The following NOL4 variants were observed in gnomAD, a reference collection of about 807,000 sequenced individuals.
NOL4 encodes the protein nucleolar protein 4, also known as cancer/testis antigen 125.
A neutral mutation model predicts 75.9 loss-of-function variants in NOL4; 17 were observed. The ratio of observed to expected loss-of-function variants is 0.22; its 90% confidence interval spans 0.15 to 0.34. The LOEUF is 0.34. Among genes scored for constraint, NOL4 ranks in the 10% least tolerant of loss-of-function variants. The pLI is 1.00. For missense variants in NOL4, 614 were observed against 793.5 expected (o/e 0.77, Z 2.72); for synonymous variants, 292 against 289.9 (o/e 1.01, Z -0.07).
rs118174984 is a variant in NOL4, at chr18:33,916,101, T to A, written c.1542+26964A>T. On this transcript the variant is annotated intron_variant, in intron 9 of 10. Coordinates refer to ENST00000261592, the MANE Select transcript of NOL4 (RefSeq NM_003787.5). ...GGTTAAGGATGCAGTAGAGCAAGTTTAACTATTTTCAGGGAGAGTGTAAGA... is the reference window on the plus strand; with the variant it reads ...GGTTAAGGATGCAGTAGAGCAAGTTAAACTATTTTCAGGGAGAGTGTAAGA... Among the ~76,000 whole-genome samples, 1,435 of 152,240 alleles carry A rather than the reference T, an allele frequency of 9.4e-3. 9 individuals carry two copies. The highest frequency in any genetic ancestry group is 0.017 in the Middle Eastern group (5 of 294).
intron 2 of NOL4, among the ~76,000 whole-genome samples, chr18:34,120,938 A>G (rs1399155291): frequency 6.6e-6 from 1 of 152,196 alleles, no homozygotes; most frequent in East Asian, 1.9e-4. Context: ...TTTATGTTAA[A>G]TTATAATTAA....
intron 6 of NOL4, among the ~76,000 whole-genome samples, chr18:34,017,103 T>C (rs1217442091): frequency 1.3e-5 from 2 of 152,142 alleles, no homozygotes; most frequent in Admixed American, 6.6e-5. Flanking sequence ...GGTAATCTTA[T>C]ATTTCCTTCA....
intron 5 of NOL4, among the ~76,000 whole-genome samples, chr18:34,070,841 T>C (rs958227459): frequency 6.6e-6 from 1 of 152,150 alleles, no homozygotes; most frequent in African/African-American, 2.4e-5. Context: ...TAAAAGGCTA[T>C]TATAAGCAAA....
At chr18:34,193,174 G>A (rs2035045989) in intron 1 of NOL4, among the ~76,000 whole-genome samples, 1 of 151,870 alleles carries the variant, frequency 6.6e-6, no homozygotes, top group South Asian at 2.1e-4. Flanking sequence ...AAAAACATAA[G>A]GAAAAAATTT....
intron 1 of NOL4, among the ~76,000 whole-genome samples, chr18:34,166,617 A>G (rs1218189903): frequency 6.6e-6 from 1 of 152,120 alleles, no homozygotes; most frequent in Admixed American, 6.6e-5. Flanking sequence ...ATTTATAACA[A>G]TCATGCTGTA....
intron 9 of NOL4, among the ~76,000 whole-genome samples, chr18:33,908,019 G>A (rs1362183363): frequency 6.6e-6 from 1 of 152,054 alleles, no homozygotes; most frequent in Admixed American, 6.6e-5. Context: ...CTTTCCCAGA[G>A]TATAAGACAG....
At chr18:34,171,031 A>C (rs1259056523) in intron 1 of NOL4, among the ~76,000 whole-genome samples, 2 of 152,228 alleles carry the variant, frequency 1.3e-5, no homozygotes, top group East Asian at 3.8e-4. Context: ...TGAGGGAATA[A>C]ATATTTGAGG....
chr18:34,013,228 C>T (rs2074480316), intron 6 of NOL4, among the ~76,000 whole-genome samples: 1 of 151,818 alleles, frequency 6.6e-6, no homozygotes, highest in African/African-American at 2.4e-5. Context: ...TTATACTCTC[C>T]ACCACCTATC....
intron 6 of NOL4, among the ~76,000 whole-genome samples, chr18:34,001,302 T>C (rs2073685482): frequency 6.6e-6 from 1 of 152,188 alleles, no homozygotes; most frequent in South Asian, 2.1e-4. Context: ...TAATGCGAAC[T>C]ACATTTCCTA....
At chr18:34,128,527 T>C (rs980124366) in intron 2 of NOL4, among the ~76,000 whole-genome samples, 16 of 151,920 alleles carry the variant, frequency 1.1e-4, no homozygotes, top group Non-Finnish European at 1.8e-4. Context: ...TGTTCAGTAA[T>C]GTTAGTCTAT....
intron 10 of NOL4, among the ~76,000 whole-genome samples, chr18:33,855,735 A>G (rs995032156): frequency 6.6e-6 from 1 of 152,046 alleles, no homozygotes. Flanking sequence ...CGAATTATTG[A>G]TTCATTTTTT....
chr18:34,192,389 G>T (rs893987763), intron 1 of NOL4, among the ~76,000 whole-genome samples: 1 of 151,958 alleles, frequency 6.6e-6, no homozygotes, highest in Non-Finnish European at 1.5e-5. Flanking sequence ...TACCACAAAA[G>T]ATGCAAAATA....
chr18:33,858,197 C>A (rs2062923628), intron 10 of NOL4, among the ~76,000 whole-genome samples: 2 of 152,052 alleles, frequency 1.3e-5, no homozygotes, highest in Non-Finnish European at 1.5e-5. Context: ...TTTTTCTGGA[C>A]ACAATTATTT....
intron 8 of NOL4, among the ~76,000 whole-genome samples, chr18:33,944,091 T>G (rs542147616): frequency 6.6e-6 from 1 of 151,954 alleles, no homozygotes; most frequent in Admixed American, 6.6e-5. Flanking sequence ...TTAAACCAAA[T>G]GAGGTAGTAA....
chr18:33,946,720 T>C lies in NOL4; in HGVS notation c.1429-3542A>G, dbSNP rs559733661. ...GTTAAATGGTTGAAGTCCTTTAATA[T>C]ATTTTCCTATAAATTCTATAAATTA... is the stretch of plus-strand genomic sequence containing the variant. On this transcript the variant is annotated intron_variant, in intron 8 of 10. Coordinates refer to ENST00000261592, the MANE Select transcript of NOL4 (RefSeq NM_003787.5). Among the ~76,000 whole-genome samples, 78 of 151,906 alleles carry C rather than the reference T, an allele frequency of 5.1e-4. 3 individuals are homozygous for C. The East Asian group carries it at 0.014, about 27-fold the overall frequency.
At chr18:34,136,081 C>A (rs573026015) in intron 1 of NOL4, among the ~76,000 whole-genome samples, 1 of 151,960 alleles carries the variant, frequency 6.6e-6, no homozygotes, top group African/African-American at 2.4e-5. Flanking sequence ...ATAAAGGACA[C>A]AAGCATATTA....
intron 6 of NOL4, among the ~76,000 whole-genome samples, chr18:33,982,742 ATTTTTT>A (rs953221382): frequency 7.6e-5 from 8 of 104,912 alleles, no homozygotes; most frequent in Admixed American, 1.1e-4. Flanking sequence ...AGACAATGGG[ATTTTTT>A]TTTTTTTTTT....
intron 1 of NOL4, among the ~76,000 whole-genome samples, chr18:34,208,364 G>T (rs2036268306): frequency 6.6e-6 from 1 of 151,676 alleles, no homozygotes; most frequent in African/African-American, 2.4e-5. Flanking sequence ...GACCCAGAAT[G>T]TCCATTTTAG....
chr18:34,137,355 A>T (rs755231465), intron 1 of NOL4, among the ~76,000 whole-genome samples: 25 of 152,264 alleles, frequency 1.6e-4, no homozygotes, highest in Non-Finnish European at 3.2e-4. Flanking sequence ...ATGACATCTC[A>T]TACAAATGGG....
Sources: gnomAD v4.1 joint callset for allele counts (sites outside exome capture counted in the v4.1 genomes callset) on GRCh38, gnomAD v4.1.1 for gene constraint, MANE v1.5 for transcripts, NCBI Gene and HGNC (gene_info 2026-07-23, HGNC 2026-07-21) for gene names.